PSD2: variants seen among roughly 807,000 people sequenced by gnomAD.
PSD2 encodes PH and SEC7 domain-containing protein 2.
PSD2 carries 38 observed loss-of-function variants against 69.8 expected under a neutral mutation model. The observed-to-expected ratio is 0.54, with a 90% CI of 0.42 to 0.71. The LOEUF (loss-of-function observed/expected upper bound fraction) is 0.71, where lower values mean the gene tolerates loss of function less well. PSD2 is among the 30% of genes least tolerant of loss of function. The probability of loss-of-function intolerance (pLI) is 0.00; values close to 1 mark genes in which losing one functional copy is unlikely to be tolerated. For synonymous variants in PSD2, 412 were observed against 423.0 expected (o/e 0.97, Z 0.32); for missense variants, 943 against 1,014.5 (o/e 0.93, Z 0.96).
At chr5:139,838,022 A>G (rs1223404665) in intron 12 of PSD2, among the ~76,000 whole-genome samples, 2 of 152,232 alleles carry the variant, frequency 1.3e-5, no homozygotes, top group East Asian at 3.9e-4. Context: ...TGGCTCCAGC[A>G]ACTGTGTTTA....
intron 2 of PSD2, among the ~76,000 whole-genome samples, chr5:139,810,044 A>G (rs970298749): frequency 6.7e-6 from 1 of 148,488 alleles, no homozygotes; most frequent in African/African-American, 2.5e-5. Context: ...AGCTGCTTCT[A>G]TGTGGATTGC....
the PSD2 span, among the ~76,000 whole-genome samples, chr5:139,762,804 G>A: frequency 1.8e-4 from 27 of 152,266 alleles, no homozygotes; most frequent in African/African-American, 6.3e-4. Flanking sequence ...CAGGACAGGA[G>A]GCCTGGCTGG....
chr5:139,790,035 G>A, the PSD2 span, among the ~76,000 whole-genome samples: 2 of 152,132 alleles, frequency 1.3e-5, no homozygotes, highest in Non-Finnish European at 2.9e-5. Flanking sequence ...TGCTTTGGAG[G>A]AACAGGGAGG....
At chr5:139,804,098 T>C (rs982326871) in intron 1 of PSD2, among the ~76,000 whole-genome samples, 11 of 152,190 alleles carry the variant, frequency 7.2e-5, no homozygotes, top group African/African-American at 2.7e-4. Context: ...ACATGCCACA[T>C]GTTTGCATTG....
At chr5:139,817,736 C>A (rs1760157053) in intron 5 of PSD2, among the ~76,000 whole-genome samples, 175 bp downstream of exon 5, 1 of 152,140 alleles carries the variant, frequency 6.6e-6, no homozygotes, top group Admixed American at 6.5e-5. Context: ...AGGCGAGTGC[C>A]CACTTTGTAG....
At chr5:139,834,073 A>C (rs995958038) in intron 8 of PSD2, among the ~76,000 whole-genome samples, 1 of 152,128 alleles carries the variant, frequency 6.6e-6, no homozygotes, top group Non-Finnish European at 1.5e-5. Flanking sequence ...GCTGCCACCC[A>C]CCACAACCGC....
intron 2 of PSD2, among the ~76,000 whole-genome samples, chr5:139,811,100 C>T (rs946199760): frequency 3.7e-4 from 56 of 152,108 alleles, no homozygotes; most frequent in Non-Finnish European, 1.5e-5. Flanking sequence ...GGGTATTTGC[C>T]CTGGTGGCCA....
At chr5:139,763,974 G>A in the PSD2 span, among the ~76,000 whole-genome samples, 1 of 152,144 alleles carries the variant, frequency 6.6e-6, no homozygotes, top group African/African-American at 2.4e-5. Flanking sequence ...GATCCAATTG[G>A]GAAGTCCAGC....
intron 13 of PSD2, 25 bp from the exon 14 acceptor site, chr5:139,840,002 C>A (rs764202402): frequency 1.2e-6 from 2 of 1,613,456 alleles, no homozygotes; most frequent in Admixed American, 3.3e-5. Flanking sequence ...AGTAAGGCCT[C>A]ACAGTCCAGG....
chr5:139,799,836 G>C (rs1192049681), intron 1 of PSD2, among the ~76,000 whole-genome samples: 1 of 152,108 alleles, frequency 6.6e-6, no homozygotes, highest in Non-Finnish European at 1.5e-5. Context: ...ACAGGCCCTT[G>C]TGTCTGACTA....
Position 139,840,142 on chromosome 5 carries a change from G to A in PSD2, c.2084G>A (p.Arg695Gln), listed in dbSNP as rs147407858. The change falls in exon 14 of 15, where the codon CGG (arginine) becomes CAG (glutamine). Residue 695 changes from arginine to glutamine, a missense_variant. Physicochemically the swap from Arg to Gln is conservative, Grantham distance 43. Around this residue, in one of 3 missense-constraint regions of PSD2, gnomAD observed 165 missense variants for 168.8 expected, o/e 0.98. Coordinates refer to ENST00000274710, the MANE Select transcript of PSD2 (RefSeq NM_032289.4). ...GIKSKEAEEY[R>Q]LKEHYLTFEK... ...AAGTCCAAGGAGGCCGAGGAGTACCGGTTGAAGGAGCACTATCTCACCTTC... is the reference window on the plus strand; with the variant it reads ...AAGTCCAAGGAGGCCGAGGAGTACCAGTTGAAGGAGCACTATCTCACCTTC... 1.2e-5 allele frequency: 19 copies of A among 1,614,054 alleles called. No individual in the cohort carries two copies. Among genetic ancestry groups the A allele is most frequent in the Non-Finnish European group, 1.5e-5 (18 of 1,180,056 alleles).
chr5:139,799,049 T>C (rs1336371385), intron 1 of PSD2, among the ~76,000 whole-genome samples: 1 of 152,154 alleles, frequency 6.6e-6, no homozygotes, highest in African/African-American at 2.4e-5. Context: ...TGCTTGCTTG[T>C]GATTAGAGTC....
chr5:139,809,897 G>A, intron 2 of PSD2, 86 bp downstream of exon 2: 4 of 1,441,456 alleles, frequency 2.8e-6, no homozygotes, highest in Non-Finnish European at 3.8e-6. Context: ...AGTTTCTCCG[G>A]TTCTTGTTTT....
chr5:139,789,542 C>A, the PSD2 span, among the ~76,000 whole-genome samples: 4 of 152,200 alleles, frequency 2.6e-5, no homozygotes, highest in Non-Finnish European at 4.4e-5. Flanking sequence ...CATGCCCCTG[C>A]ATTCCAGCCT....
the PSD2 span, among the ~76,000 whole-genome samples, chr5:139,764,682 C>T: frequency 1.3e-5 from 2 of 152,186 alleles, no homozygotes; most frequent in Non-Finnish European, 2.9e-5. Flanking sequence ...CAAGCTGGGC[C>T]AGGAGGCCGA....
chr5:139,789,253 G>A, the PSD2 span, among the ~76,000 whole-genome samples: 1 of 152,152 alleles, frequency 6.6e-6, no homozygotes, highest in Non-Finnish European at 1.5e-5. Context: ...GAGTGTGCAG[G>A]GTCCTTGCGC....
chr5:139,822,634 G>A, intron 6 of PSD2, 92 bp from the exon 7 acceptor site: 1 of 1,174,852 alleles, frequency 8.5e-7, no homozygotes, highest in Admixed American at 2.4e-5. Context: ...GCCTCCCTCT[G>A]TGTCCAAGGT....
chr5:139,770,600 G>A, the PSD2 span, among the ~76,000 whole-genome samples: 2 of 152,034 alleles, frequency 1.3e-5, no homozygotes, highest in Non-Finnish European at 2.9e-5. Context: ...AAACATGAAT[G>A]GCCCAGGAAC....
the PSD2 span, among the ~76,000 whole-genome samples, chr5:139,761,353 C>T: frequency 6.6e-6 from 1 of 152,140 alleles, no homozygotes; most frequent in African/African-American, 2.4e-5. Flanking sequence ...TTCCTGTCTC[C>T]CAGAAATCAT....
Sources: allele counts gnomAD v4.1 joint callset (sites outside exome capture counted in the v4.1 genomes callset), GRCh38; gene constraint gnomAD v4.1.1; regional missense constraint gnomAD v4.1.1; transcripts MANE v1.5; gene names NCBI Gene and HGNC (gene_info 2026-07-23, HGNC 2026-07-21).